Variants in CCNI observed in about 807,000 individuals in gnomAD.
CCNI encodes the protein cyclin-I.
Under a neutral mutation model 34.1 loss-of-function variants are expected in CCNI, and 14 were observed. The observed-to-expected ratio is 0.41, with a 90% confidence interval of 0.27 to 0.64. The LOEUF is 0.64. CCNI is among the 30% of genes least tolerant of loss of function. CCNI has a pLI of 0.31. For missense variants in CCNI, 385 were observed against 440.5 expected, an observed-to-expected ratio of 0.87 and a Z score of 1.13; for synonymous variants, 154 against 158.4, an observed-to-expected ratio of 0.97 and a Z score of 0.21.
At chr4:77,063,000 A>G (rs751543857) in intron 2 of CCNI, among the ~76,000 whole-genome samples, 10 of 152,218 alleles carry the variant, frequency 6.6e-5, no homozygotes, top group African/African-American at 1.2e-4. Context: ...CAAAAATGAC[A>G]CCACCATACC....
intron 6 of CCNI, 57 bp from the exon 7 acceptor site, chr4:77,048,719 C>A: frequency 7.6e-7 from 1 of 1,313,918 alleles, no homozygotes; most frequent in Non-Finnish European, 1.0e-6. Flanking sequence ...ACATAGGCTG[C>A]TCTGTTATCT....
intron 3 of CCNI, among the ~76,000 whole-genome samples, chr4:77,057,473 G>A (rs1034391710): frequency 1.3e-5 from 2 of 152,150 alleles, no homozygotes; most frequent in Non-Finnish European, 2.9e-5. Context: ...CTTACACTCC[G>A]TAATTATTTG....
chr4:77,069,751 C>T lies in CCNI; in HGVS notation c.-43-3346G>A, dbSNP rs4252808. ...CAACCACTGGTGCCCCAAACAAAAA[C>T]ACACAACCAAAAACTCTACCCCCAC... On this transcript the variant is annotated intron_variant, in intron 1 of 6. Transcript: ENST00000237654. 5.5e-3 allele frequency among the ~76,000 whole-genome samples: 834 copies of T among 151,976 alleles called. 4 individuals are homozygous for T. Among genetic ancestry groups the T allele is most frequent in the Non-Finnish European group, 9.8e-3 (665 of 67,974 alleles).
At chr4:77,065,094 T>C (rs561385492) in intron 2 of CCNI, 1 of 152,366 alleles carries the variant, frequency 6.6e-6, no homozygotes, top group East Asian at 1.9e-4. Context: ...ACACTCCTCA[T>C]TCAAGTTAAC....
intron 6 of CCNI, among the ~76,000 whole-genome samples, chr4:77,051,794 T>G (rs1164808259): frequency 6.6e-6 from 1 of 152,152 alleles, no homozygotes; most frequent in Non-Finnish European, 1.5e-5. Flanking sequence ...GTCAAGAGAA[T>G]ATGTATTATT....
At chr4:77,060,673 G>C (rs2109816361) in intron 2 of CCNI, among the ~76,000 whole-genome samples, 1 of 151,784 alleles carries the variant, frequency 6.6e-6, no homozygotes, top group East Asian at 1.9e-4. Flanking sequence ...ACCCAGGCTG[G>C]AGTGCAGTGG....
In CCNI at chr4:77,066,376, T is replaced by A; in HGVS notation, c.-14A>T. 1 of 1,613,848 alleles carries A rather than the reference T, an allele frequency of 6.2e-7. No homozygotes were observed. The highest frequency in any genetic ancestry group is 8.5e-7 in the Non-Finnish European group (1 of 1,179,842). On this transcript the variant is annotated 5_prime_UTR_variant, in exon 2 of 7. Coordinates refer to ENST00000237654, the MANE Select transcript of CCNI (RefSeq NM_006835.3). ...TGGAAACTTCATGATATCCTTTGGATCTGCCTGCTACCCAGCTTGCTGTAG... is the reference window on the plus strand; with the variant it reads ...TGGAAACTTCATGATATCCTTTGGAACTGCCTGCTACCCAGCTTGCTGTAG...
intron 5 of CCNI, among the ~76,000 whole-genome samples, chr4:77,055,656 AGG>A (rs1728170978): frequency 6.6e-6 from 1 of 151,936 alleles, no homozygotes. Flanking sequence ...TAGTAGAGAC[AGG>A]GTTTCACCAT....
At position 77,055,299 on chromosome 4, in the gene CCNI, G is replaced by A. The variant is rs145584725; in HGVS notation, c.541C>T (p.Leu181Phe). 6.2e-7 allele frequency: 1 copy of A among 1,614,172 alleles called. No individual in the cohort carries two copies. Among genetic ancestry groups the A allele is most frequent in the South Asian group, 1.1e-5 (1 of 91,080 alleles). The change falls in exon 6 of 7, where the codon CTT (leucine) becomes TTT (phenylalanine). Residue 181 changes from leucine to phenylalanine, a missense_variant. Coordinates refer to ENST00000237654, the MANE Select transcript of CCNI (RefSeq NM_006835.3). ...ATACAGTGAAGTAGTTGCTTGGTAA[G>A]GACTGCCAAATGTTGAGATGGGCTC... ...KLSPSQHLAV[L>F]TKQLLHCMAC...
chr4:77,063,414 A>G lies in CCNI; in HGVS notation c.114+2835T>C, dbSNP rs1378910557. ...ATAAGAGTTAGAACTAGAATAGAGA[A>G]GGTGCTGGGTGCGGTGGCTCATGCC... is the stretch of plus-strand genomic sequence containing the variant. On this transcript the variant is annotated intron_variant, in intron 2 of 6. Transcript: ENST00000237654. Among the ~76,000 whole-genome samples, 3 of 150,204 alleles carry G rather than the reference A, an allele frequency of 2.0e-5. No individual in the cohort carries two copies. In the East Asian group the frequency reaches 6.0e-4, roughly 30 times the overall value.
rs1363000209 is a variant in CCNI at position 77,048,372 on chromosome 4, T to G, written c.981A>C (p.Glu327Asp). 1 of 1,614,108 alleles carries G rather than the reference T, an allele frequency of 6.2e-7. No individual in the cohort carries two copies. The highest frequency in any genetic ancestry group is 8.5e-7 in the Non-Finnish European group (1 of 1,180,006). Residue 327 changes from glutamate to aspartate, a missense_variant, in exon 7 of 7, where the codon GAA (glutamate) becomes GAC (aspartate). Glu to Asp is a conservative substitution (Grantham distance 45). This residue lies in a region of CCNI where 250 missense variants were observed against 248.7 expected (regional missense o/e 1.01). Coordinates refer to ENST00000237654, the MANE Select transcript of CCNI (RefSeq NM_006835.3). ...CATCATAGAAGTCATCCACTTCCAT[T>G]TCCTCTACTTTGCGTTTAGTAGAGG... Reference protein sequence around the residue: ...KQTSTKRKVEEMEVDDFYDGI... With the variant: ...KQTSTKRKVEDMEVDDFYDGI...
chr4:77,056,734 G>A (rs956914684), intron 3 of CCNI, among the ~76,000 whole-genome samples: 1 of 151,604 alleles, frequency 6.6e-6, no homozygotes, highest in African/African-American at 2.4e-5. Flanking sequence ...CTACTACAAC[G>A]CCCGCCACCA....
chr4:77,061,205 ACTGAGT>A (rs1171202480), intron 2 of CCNI, among the ~76,000 whole-genome samples: 1 of 152,236 alleles, frequency 6.6e-6, no homozygotes, highest in African/African-American at 2.4e-5. Flanking sequence ...CTGAAGTAAT[ACTGAGT>A]CTAAGGTCAC....
intron 6 of CCNI, among the ~76,000 whole-genome samples, chr4:77,048,962 GTTTTTTT>G (rs538284505): frequency 1.5e-3 from 72 of 47,644 alleles, no homozygotes; most frequent in Non-Finnish European, 2.5e-3. Flanking sequence ...TCCAACGTCT[GTTTTTTT>G]TTTTTTTTTT....
Position 77,048,549 on chromosome 4 carries a change from G to C in CCNI, c.804C>G (p.Thr268=). 2 of 1,613,626 alleles carry C rather than the reference G, an allele frequency of 1.2e-6. No homozygotes were observed. The highest frequency in any genetic ancestry group is 1.7e-6 in the Non-Finnish European group (2 of 1,179,694). Residue 268 remains threonine, a synonymous_variant, in exon 7 of 7, where the codon ACC becomes ACG. Coordinates refer to ENST00000237654, the MANE Select transcript of CCNI (RefSeq NM_006835.3). The part of the protein sequence containing the change: ...SVYVYRPLKH[T]LVTCDKGVFR... ...ACACTCCTTTGTCACAGGTCACCAG[G>C]GTGTGCTTGAGGGGACGGTAGACAT... is the stretch of plus-strand genomic sequence containing the variant.
At chr4:77,073,062 T>C (rs562893476) in intron 1 of CCNI, among the ~76,000 whole-genome samples, 1 of 152,370 alleles carries the variant, frequency 6.6e-6, no homozygotes, top group East Asian at 1.9e-4. Context: ...AATACAATTT[T>C]AGTTTTAACA....
chr4:77,055,759 G>T (rs553880355), intron 5 of CCNI, among the ~76,000 whole-genome samples: 1 of 151,910 alleles, frequency 6.6e-6, no homozygotes, highest in Admixed American at 6.6e-5. Context: ...GAGCCACCGC[G>T]CCCAGCCTAA....
intron 1 of CCNI, among the ~76,000 whole-genome samples, chr4:77,072,655 A>AT (rs1191300595): frequency 1.4e-5 from 2 of 146,040 alleles, no homozygotes; most frequent in African/African-American, 5.0e-5. Context: ...AAAAAAAAAA[A>AT]AAAAAAGAAA....
chr4:77,058,056 T>C (rs1728354885), intron 3 of CCNI, among the ~76,000 whole-genome samples: 1 of 152,350 alleles, frequency 6.6e-6, no homozygotes, highest in Middle Eastern at 3.4e-3. Flanking sequence ...ACTTCTGCTT[T>C]TTAAACAATA....
Sources: allele counts gnomAD v4.1 joint callset (sites outside exome capture counted in the v4.1 genomes callset), GRCh38; gene constraint gnomAD v4.1.1; regional missense constraint gnomAD v4.1.1; transcripts MANE v1.5; gene names NCBI Gene and HGNC (gene_info 2026-07-23, HGNC 2026-07-21).